DLG2: variants seen among roughly 807,000 people sequenced by gnomAD.
The protein encoded by DLG2 is disks large homolog 2.
In DLG2, 45 loss-of-function variants were observed where a neutral mutation model predicts 132.5. The observed-to-expected ratio is 0.34, with a 90% confidence interval of 0.27 to 0.44. The LOEUF is 0.44. Ranked by LOEUF, DLG2 falls within the 20% of genes least tolerant of loss-of-function variation. The pLI, the probability that DLG2 is intolerant of heterozygous loss-of-function variation, is 1.00. For synonymous variants in DLG2, 424 were observed against 419.6 expected, an observed-to-expected ratio of 1.01 and a Z score of -0.13; for missense variants, 1,045 against 1,196.9, an observed-to-expected ratio of 0.87 and a Z score of 1.87.
At chr11:84,782,401 T>A (rs1458452504) in intron 6 of DLG2, among the ~76,000 whole-genome samples, 1 of 151,596 alleles carries the variant, frequency 6.6e-6, no homozygotes, top group African/African-American at 2.4e-5. Context: ...CCCACCCACC[T>A]ACATACACAC....
rs59366418 is a variant in DLG2 at position 83,907,080 on chromosome 11, C to T, written c.1496+23248G>A. Reference sequence around the variant, plus strand: ...GGAGATGGCATTTGAAGATCTCGCACTGAAGTTGTCAATGTGAAGACTGTT... The same window carrying T: ...GGAGATGGCATTTGAAGATCTCGCATTGAAGTTGTCAATGTGAAGACTGTT... On this transcript the variant is annotated intron_variant, in intron 15 of 27. Transcript: ENST00000376104. 3.6e-3 allele frequency among the ~76,000 whole-genome samples: 554 copies of T among 152,114 alleles called. 5 individuals carry two copies. Among genetic ancestry groups the T allele is most frequent in the African/African-American group, 0.013 (533 of 41,514 alleles).
chr11:85,015,405 T>C (rs1162796874), intron 6 of DLG2, among the ~76,000 whole-genome samples: 3 of 81,546 alleles, frequency 3.7e-5, no homozygotes, highest in Non-Finnish European at 7.2e-5. Context: ...GATTAGCCAG[T>C]GTTATTTAAA....
At chr11:84,390,282 A>G (rs2098787968) in intron 7 of DLG2, among the ~76,000 whole-genome samples, 1 of 152,174 alleles carries the variant, frequency 6.6e-6, no homozygotes, top group Admixed American at 6.6e-5. Flanking sequence ...CTGATAATAG[A>G]GTCCACTGGT....
intron 7 of DLG2, among the ~76,000 whole-genome samples, chr11:84,377,215 G>A (rs1017700455): frequency 1.3e-5 from 2 of 151,794 alleles, no homozygotes; most frequent in African/African-American, 4.8e-5. Context: ...ATGAAGAATA[G>A]AAAAACATTT....
chr11:83,518,114 C>G (rs910235730), intron 21 of DLG2, among the ~76,000 whole-genome samples: 3 of 152,214 alleles, frequency 2.0e-5, no homozygotes, highest in African/African-American at 7.2e-5. Flanking sequence ...GCCCTGCCCC[C>G]AGAGGTGGAG....
rs773386026 is a variant in DLG2, at chr11:85,539,620, T to C, written c.40+59037A>G. Among the ~76,000 whole-genome samples, 16 of 152,160 alleles carry C rather than the reference T, an allele frequency of 1.1e-4. No homozygotes were observed. The East Asian group carries it at 1.5e-3, about 15-fold the overall frequency. On this transcript the variant is annotated intron_variant, in intron 3 of 27. Transcript: ENST00000376104. ...GTGAACATATTTAAAAACCACCAAA[T>C]TGTACACTTTAAAAGAGTAACTATC...
At chr11:84,330,794 T>C (rs1400786457) in intron 7 of DLG2, among the ~76,000 whole-genome samples, 1 of 152,220 alleles carries the variant, frequency 6.6e-6, no homozygotes, top group Non-Finnish European at 1.5e-5. Context: ...TATTTCATCC[T>C]GCTTTCCTGC....
At chr11:85,576,905 T>A (rs2078190657) in intron 3 of DLG2, among the ~76,000 whole-genome samples, 1 of 152,088 alleles carries the variant, frequency 6.6e-6, no homozygotes, top group Admixed American at 6.6e-5. Context: ...AGCAGACACA[T>A]AAACTAGTAA....
intron 3 of DLG2, among the ~76,000 whole-genome samples, chr11:85,571,757 T>C (rs1301258757): frequency 6.6e-6 from 1 of 152,212 alleles, no homozygotes; most frequent in Non-Finnish European, 1.5e-5. Context: ...TGAAGTGTTA[T>C]CTATTGCATC....
intron 3 of DLG2, among the ~76,000 whole-genome samples, chr11:85,395,522 C>G (rs1000044470): frequency 2.0e-5 from 3 of 152,118 alleles, no homozygotes; most frequent in Admixed American, 1.3e-4. Flanking sequence ...CGTGACAGGC[C>G]ATACCTAGAG....
intron 9 of DLG2, among the ~76,000 whole-genome samples, chr11:84,122,336 A>G (rs2093966483): frequency 6.6e-6 from 1 of 152,146 alleles, no homozygotes; most frequent in African/African-American, 2.4e-5. Context: ...AAATAAAATA[A>G]TAATTCCTGA....
At chr11:83,497,227 G>T (rs117586527) in intron 21 of DLG2, among the ~76,000 whole-genome samples, 6 of 152,112 alleles carry the variant, frequency 3.9e-5, no homozygotes, top group Non-Finnish European at 7.4e-5. Flanking sequence ...CTGGTGAAAG[G>T]GGGGAGAAGT....
At position 83,790,673 on chromosome 11, in the gene DLG2, C is replaced by T. The variant is rs537572890; in HGVS notation, c.1723-3881G>A. On this transcript the variant is annotated intron_variant, in intron 17 of 27. Coordinates refer to ENST00000376104, the MANE Select transcript of DLG2 (RefSeq NM_001142699.3). ...AGAGTGGAGGGACATGATGCGGACC[C>T]ACTCTGGGGCTCTGCAACATGACTC... is the stretch of plus-strand genomic sequence containing the variant. 9.1e-4 allele frequency: 827 copies of T among 907,092 alleles called. 9 individuals are homozygous for T. In the South Asian group the frequency reaches 0.01, roughly 11 times the overall value. The allele number at this position is 907,092 out of a possible 1,614,324, so 56.2% of individuals were successfully genotyped here. A position where few individuals can be genotyped will look rare whatever the true frequency, so the allele number is the denominator to read the frequency against.
chr11:84,200,681 T>C (rs2096580340), intron 8 of DLG2, among the ~76,000 whole-genome samples: 1 of 152,174 alleles, frequency 6.6e-6, no homozygotes, highest in African/African-American at 2.4e-5. Flanking sequence ...CTAGCTGTAT[T>C]CCTAGGTATT....
chr11:84,495,492 G>A (rs567747209), intron 7 of DLG2, among the ~76,000 whole-genome samples: 1 of 152,106 alleles, frequency 6.6e-6, no homozygotes, highest in Non-Finnish European at 1.5e-5. Flanking sequence ...CTCTTCATAA[G>A]AAAAAGGACT....
At chr11:84,279,048 A>C (rs1467129052) in intron 7 of DLG2, among the ~76,000 whole-genome samples, 2 of 152,200 alleles carry the variant, frequency 1.3e-5, no homozygotes, top group East Asian at 1.9e-4. Context: ...AATGGTAGAA[A>C]ATTTTTGCAA....
chr11:84,104,883 C>T lies in DLG2; in HGVS notation c.625-5836G>A, dbSNP rs543021218. ...GCTAAACACTAATCTATGTTTCTTA[C>T]AATTTCCTATGTGGTAGATTGTATT... is the stretch of plus-strand genomic sequence containing the variant. On this transcript the variant is annotated intron_variant, in intron 9 of 27. Coordinates refer to ENST00000376104, the MANE Select transcript of DLG2 (RefSeq NM_001142699.3). Among the ~76,000 whole-genome samples the T allele has an allele frequency of 1.2e-4, 18 of 152,160 alleles. No individual in the cohort carries two copies. In the East Asian group the frequency reaches 3.5e-3, roughly 29 times the overall value.
intron 15 of DLG2, among the ~76,000 whole-genome samples, chr11:83,924,712 C>T (rs771520773): frequency 2.1e-4 from 32 of 152,052 alleles, no homozygotes; most frequent in Admixed American, 5.9e-4. Context: ...CAGGGGCTTA[C>T]CATAACTCTG....
At chr11:83,504,769 A>G (rs541297258) in intron 21 of DLG2, among the ~76,000 whole-genome samples, 3 of 152,256 alleles carry the variant, frequency 2.0e-5, no homozygotes, top group Admixed American at 2.0e-4. Flanking sequence ...GGACCCGTGA[A>G]TCCTGGCTAT....
Sources: gnomAD v4.1 joint callset for allele counts (sites outside exome capture counted in the v4.1 genomes callset) on GRCh38, gnomAD v4.1.1 for gene constraint, MANE v1.5 for transcripts, NCBI Gene and HGNC (gene_info 2026-07-23, HGNC 2026-07-21) for gene names.